The following PTDSS2 variants were observed in gnomAD, a reference collection of about 807,000 sequenced individuals.
The protein encoded by PTDSS2 is PSS-2.
In PTDSS2, 41 loss-of-function variants were observed where a neutral mutation model predicts 64.7. The observed-to-expected ratio is 0.63, with a 90% CI of 0.49 to 0.82. The LOEUF (loss-of-function observed/expected upper bound fraction) is 0.82, where lower values mean the gene tolerates loss of function less well. Ranked by LOEUF, PTDSS2 falls within the 40% of genes least tolerant of loss-of-function variation. The pLI is 0.00. For missense variants in PTDSS2, 485 were observed against 650.0 expected, an observed-to-expected ratio of 0.75 and a Z score of 2.76; for synonymous variants, 297 against 277.8, an observed-to-expected ratio of 1.07 and a Z score of -0.69.
chr11:460,538 C>T lies in PTDSS2; in HGVS notation c.284+250C>T, dbSNP rs1212512041. The T allele has an allele frequency of 6.3e-6, 3 of 476,480 alleles. No homozygotes were observed. Among genetic ancestry groups the T allele is most frequent in the East Asian group, 7.1e-5 (2 of 28,240 alleles). 29.5% of individuals were successfully genotyped at this position (476,480 alleles called of 1,614,324 possible). ...GGAGTCTGTGTCATCTCCACGTGAC[C>T]GGCAGCCTGTGCTGCGTTTCCTCTG... is the stretch of plus-strand genomic sequence containing the variant. On this transcript the variant is annotated intron_variant, in intron 2 of 11. Transcript: ENST00000308020. The surrounding 1 kb of genome is among the most constrained non-coding windows in gnomAD (Gnocchi z 5.8).
chr11:460,882 A>T lies in PTDSS2; in HGVS notation c.284+594A>T, dbSNP rs1846848238. 1 of 152,658 alleles carries T rather than the reference A, an allele frequency of 6.6e-6. No homozygotes were observed. Among genetic ancestry groups the T allele is most frequent in the South Asian group, 2.1e-4 (1 of 4,856 alleles). The allele number at this position is 152,658 out of a possible 1,614,324, so 9.5% of individuals were successfully genotyped here. Reference sequence around the variant, plus strand: ...AAGCTGGTTTTAGAGCCTGTGAATCAGTCTTGAGTTTTCTGTGCCTGACTC... The same window carrying T: ...AAGCTGGTTTTAGAGCCTGTGAATCTGTCTTGAGTTTTCTGTGCCTGACTC... On this transcript the variant is annotated intron_variant, in intron 2 of 11. Transcript: ENST00000308020. This position sits in a 1 kb window ranked among gnomAD's most constrained non-coding sequence, Gnocchi z 5.8.
At position 469,787 on chromosome 11, in the gene PTDSS2, G is replaced by T. The variant is rs375816491; in HGVS notation, c.285-4108G>T. 1.3e-3 allele frequency among the ~76,000 whole-genome samples: 198 copies of T among 152,160 alleles called. 6 individuals carry two copies. The South Asian group carries it at 0.028, about 22-fold the overall frequency. Reference sequence around the variant, plus strand: ...GGGGCCAGGGCTCTGAGGAGAAATGGCTGATTCCAGCACCGGGGCAGGAAA... The same window carrying T: ...GGGGCCAGGGCTCTGAGGAGAAATGTCTGATTCCAGCACCGGGGCAGGAAA... On this transcript the variant is annotated intron_variant, in intron 2 of 11. Transcript: ENST00000308020.
rs1847601684 is a variant in PTDSS2, at chr11:473,985, GC to G, written c.367+10del. The G allele has an allele frequency of 1.9e-6, 3 of 1,609,896 alleles. No homozygotes were observed. Among genetic ancestry groups the G allele is most frequent in the Non-Finnish European group, 2.6e-6 (3 of 1,176,150 alleles). ...TTTCCAGACCTCATCCAGGTAACTTGCCATTTCCTTTTCCGTGTGCCCCTGT... is the reference window on the plus strand; with the variant it reads ...TTTCCAGACCTCATCCAGGTAACTTGCATTTCCTTTTCCGTGTGCCCCTGT... On this transcript the variant is annotated intron_variant, in intron 3 of 11. Transcript: ENST00000308020.
chr11:473,007 C>T (rs546400844), intron 2 of PTDSS2, among the ~76,000 whole-genome samples: 1 of 152,204 alleles, frequency 6.6e-6, no homozygotes, highest in Non-Finnish European at 1.5e-5. Flanking sequence ...TGCATCCGAG[C>T]GTCTGCAGAG....
At chr11:484,866 C>CTG (rs57593760) in intron 4 of PTDSS2, among the ~76,000 whole-genome samples, 3,784 of 132,618 alleles carry the variant, frequency 0.029, 222 homozygotes, top group African/African-American at 0.11. Flanking sequence ...CGTGTGCTCA[C>CTG]TGTGCGCAGG....
rs569463101 is a variant in PTDSS2, at chr11:470,071, C to T, written c.285-3824C>T. Among the ~76,000 whole-genome samples the T allele has an allele frequency of 6.6e-6, 1 of 152,156 alleles. No homozygotes were observed. Among genetic ancestry groups the T allele is most frequent in the Non-Finnish European group, 1.5e-5 (1 of 68,018 alleles). On this transcript the variant is annotated intron_variant, in intron 2 of 11. Coordinates refer to ENST00000308020, the MANE Select transcript of PTDSS2 (RefSeq NM_030783.3). This position sits in a 1 kb window ranked among gnomAD's most constrained non-coding sequence, Gnocchi z 5.3. ...AAGGTTTTCAGTAAATGAGGTAGAT[C>T]CCCCCATTCCAGGAGCTGGCGTGAG...
chr11:489,869 T>C lies in PTDSS2; in HGVS notation c.1116-14T>C. 6.4e-7 allele frequency: 1 copy of C among 1,570,036 alleles called. No homozygotes were observed. Among genetic ancestry groups the C allele is most frequent in the South Asian group, 1.2e-5 (1 of 86,834 alleles). ...GCGGGGCCCGGGACGCTGAACCCCC[T>C]GCTGCCCCTGCAGGAAGCCCCACAA... On this transcript the variant is annotated splice_polypyrimidine_tract_variant and intron_variant, in intron 10 of 11. Transcript: ENST00000308020.
chr11:466,952 G>GGCGGCC (rs1847174986), intron 2 of PTDSS2, among the ~76,000 whole-genome samples: 1 of 152,186 alleles, frequency 6.6e-6, no homozygotes, highest in Non-Finnish European at 1.5e-5. Flanking sequence ...CTACTCAGGA[G>GGCGGCC]TCTGAGGTGG....
Position 491,076 on chromosome 11 carries a change from G to A in PTDSS2, c.*494G>A, listed in dbSNP as rs1438119215. On this transcript the variant is annotated 3_prime_UTR_variant, in exon 12 of 12. Transcript: ENST00000308020. ...ACTCCGTGGGCCCTGGGTGCGCTGA[G>A]GCCTGGAGGCGTCTACACTGGCTCC... 1 of 162,536 alleles carries A rather than the reference G, an allele frequency of 6.2e-6. No individual in the cohort carries two copies. Among genetic ancestry groups the A allele is most frequent in the African/African-American group, 2.4e-5 (1 of 41,558 alleles). The allele number at this position is 162,536 out of a possible 1,614,324, so 10.1% of individuals were successfully genotyped here.
In PTDSS2 at chr11:460,004, C is replaced by A; in HGVS notation, c.183-183C>A. The stretch of plus-strand genomic sequence containing the variant: ...GGGGCTGGTCTCAGCCCTGACTGGC[C>A]AGCAGACGCAGGGTCATCTCGGAGT... On this transcript the variant is annotated intron_variant, in intron 1 of 11. Coordinates refer to ENST00000308020, the MANE Select transcript of PTDSS2 (RefSeq NM_030783.3). This position sits in a 1 kb window ranked among gnomAD's most constrained non-coding sequence, Gnocchi z 5.8. 1.7e-6 allele frequency: 1 copy of A among 589,962 alleles called. No homozygotes were observed. Among genetic ancestry groups the A allele is most frequent in the Non-Finnish European group, 3.1e-6 (1 of 324,862 alleles). The allele number at this position is 589,962 out of a possible 1,614,324, so 36.5% of individuals were successfully genotyped here.
intron 3 of PTDSS2, among the ~76,000 whole-genome samples, chr11:475,294 GTGT>G (rs1847728580): frequency 6.7e-6 from 1 of 149,424 alleles, no homozygotes; most frequent in Non-Finnish European, 1.5e-5. Flanking sequence ...TCACGCGTTT[GTGT>G]GATACGGCCA....
In PTDSS2 at chr11:459,134, G is replaced by A. The variant is rs1846745591; in HGVS notation, c.183-1053G>A. Reference sequence around the variant, plus strand: ...GATGTCGGACCTGGGTTAGACGTGAGGACACACTCCGGTGGATGTCGGACC... The same window carrying A: ...GATGTCGGACCTGGGTTAGACGTGAAGACACACTCCGGTGGATGTCGGACC... On this transcript the variant is annotated intron_variant, in intron 1 of 11. Coordinates refer to ENST00000308020, the MANE Select transcript of PTDSS2 (RefSeq NM_030783.3). The A allele has an allele frequency of 9.2e-5, 11 of 119,016 alleles. No individual in the cohort carries two copies. In the Admixed American group the frequency reaches 9.3e-4, roughly 10 times the overall value. The allele number at this position is 119,016 out of a possible 1,614,324, so 7.4% of individuals were successfully genotyped here. A position where few individuals can be genotyped will look rare whatever the true frequency, so the allele number is the denominator to read the frequency against.
At chr11:463,976 T>A (rs1847025582) in intron 2 of PTDSS2, 1 of 151,986 alleles carries the variant, frequency 6.6e-6, no homozygotes, top group African/African-American at 2.4e-5. Context: ...GGGGATGATT[T>A]TCTTTTTCTT....
Position 490,906 on chromosome 11 carries a change from C to T in PTDSS2, c.*324C>T, listed in dbSNP as rs191795754. On this transcript the variant is annotated 3_prime_UTR_variant, in exon 12 of 12. Transcript: ENST00000308020. ...TGGGAGCTGGCTGGCGTGGCAAGGGCATGCTCTGGGGCAGTGTGTCCCTCA... is the reference window on the plus strand; with the variant it reads ...TGGGAGCTGGCTGGCGTGGCAAGGGTATGCTCTGGGGCAGTGTGTCCCTCA... 81 of 371,118 alleles carry T rather than the reference C, an allele frequency of 2.2e-4. No homozygotes were observed. Among genetic ancestry groups the T allele is most frequent in the African/African-American group, 1.5e-3 (71 of 47,838 alleles). 23.0% of individuals were successfully genotyped at this position (371,118 alleles called of 1,614,324 possible).
intron 1 of PTDSS2, among the ~76,000 whole-genome samples, chr11:458,198 A>C (rs956930499): frequency 6.6e-6 from 1 of 151,402 alleles, no homozygotes; most frequent in Non-Finnish European, 1.5e-5. Context: ...CTGGATAAAA[A>C]GTATTTTTTT....
At chr11:480,470 A>G (rs1848020899) in intron 4 of PTDSS2, 1 of 144,736 alleles carries the variant, frequency 6.9e-6, no homozygotes, top group Non-Finnish European at 1.5e-5. Context: ...AGGTTCACCC[A>G]GGATCATGCG....
chr11:490,188 C>T (rs1326202948), intron 11 of PTDSS2, 120 bp downstream of exon 11: 7 of 1,243,578 alleles, frequency 5.6e-6, no homozygotes, highest in African/African-American at 3.0e-5. Flanking sequence ...ACCCTCTGGC[C>T]GCCTCTGCGG....
Position 490,543 on chromosome 11 carries a change from TG to T in PTDSS2, c.1429del (p.Val477TrpfsTer33). On this transcript the variant is annotated frameshift_variant, in exon 12 of 12. Transcript: ENST00000308020. LOFTEE classifies it low-confidence loss of function (END_TRUNC). The stretch of plus-strand genomic sequence containing the variant: ...GGCTGGACGAAGACCTGCTGGGGCC[TG>T]GGGTGGCCGAGGGCGAGGGAGCACC... ...LGLDEDLLGP[G>X]VAEGEGAPTP... 6.2e-7 allele frequency: 1 copy of T among 1,611,084 alleles called. No homozygotes were observed. Among genetic ancestry groups the T allele is most frequent in the Non-Finnish European group, 8.5e-7 (1 of 1,179,048 alleles).
intron 3 of PTDSS2, 97 bp downstream of exon 3, chr11:474,074 C>T (rs1012655774): frequency 1.1e-5 from 11 of 1,031,602 alleles, no homozygotes; most frequent in African/African-American, 9.4e-5. Context: ...TCCTGTCCTC[C>T]CCTCCGCCTG....
Sources: gnomAD v4.1 joint callset for allele counts (sites outside exome capture counted in the v4.1 genomes callset) on GRCh38, gnomAD v4.1.1 for gene constraint, Gnocchi (gnomAD v3.1) non-coding constraint, MANE v1.5 for transcripts, NCBI Gene and HGNC (gene_info 2026-07-23, HGNC 2026-07-21) for gene names.